DDX31: variants seen among roughly 807,000 people sequenced by gnomAD.
DDX31 encodes the protein ATP-dependent DNA helicase DDX31.
DDX31 carries 70 observed loss-of-function variants against 91.3 expected under a neutral mutation model. The ratio of observed to expected loss-of-function variants is 0.77; its 90% CI spans 0.63 to 0.94. The LOEUF (loss-of-function observed/expected upper bound fraction) is 0.94. Ranked by LOEUF, DDX31 falls within the 40% of genes least tolerant of loss-of-function variation. The pLI, the probability that DDX31 is intolerant of heterozygous loss-of-function variation, is 0.00. For missense variants in DDX31, 902 were observed against 925.0 expected (o/e 0.98, Z 0.32); for synonymous variants, 362 against 350.6 (o/e 1.03, Z -0.36).
chr9:132,603,558 GTTCT>G (rs1358399175), intron 19 of DDX31, among the ~76,000 whole-genome samples: 1 of 152,212 alleles, frequency 6.6e-6, no homozygotes, highest in Non-Finnish European at 1.5e-5. Context: ...GGACTGTCAT[GTTCT>G]TTCTTGATCT....
chr9:132,654,997 T>C (rs571076080), intron 6 of DDX31, among the ~76,000 whole-genome samples: 38 of 148,986 alleles, frequency 2.6e-4, no homozygotes, highest in Admixed American at 6.7e-4. Flanking sequence ...GCTGAGAGCA[T>C]TGGAGGGCAT....
At chr9:132,604,467 AC>A (rs1830898533) in intron 19 of DDX31, among the ~76,000 whole-genome samples, 1 of 152,168 alleles carries the variant, frequency 6.6e-6, no homozygotes, top group Non-Finnish European at 1.5e-5. Flanking sequence ...ATAAAAAACT[AC>A]TGATTAATCC....
chr9:132,617,360 G>A (rs1271503395), intron 18 of DDX31, among the ~76,000 whole-genome samples: 1 of 151,584 alleles, frequency 6.6e-6, no homozygotes, highest in Non-Finnish European at 1.5e-5. Flanking sequence ...CCTTTAAATG[G>A]ACTAATCTGT....
intron 18 of DDX31, among the ~76,000 whole-genome samples, chr9:132,617,475 G>A (rs181439568): frequency 8.5e-5 from 13 of 152,114 alleles, no homozygotes; most frequent in Admixed American, 2.6e-4. Context: ...CAAGCACTCA[G>A]AATAGTGCCC....
chr9:132,662,848 A>C (rs947242183), intron 1 of DDX31, among the ~76,000 whole-genome samples, 153 bp from the exon 2 acceptor site: 2 of 152,198 alleles, frequency 1.3e-5, no homozygotes, highest in African/African-American at 4.8e-5. Flanking sequence ...GTTTGCAATC[A>C]GACTCTTTGA....
chr9:132,655,540 A>G (rs1244441975), intron 6 of DDX31, among the ~76,000 whole-genome samples: 1 of 152,254 alleles, frequency 6.6e-6, no homozygotes, highest in Non-Finnish European at 1.5e-5. Flanking sequence ...AATAACCACC[A>G]TGGCATCTTG....
chr9:132,669,134 T>C (rs1047791870), intron 1 of DDX31, among the ~76,000 whole-genome samples: 2 of 152,160 alleles, frequency 1.3e-5, no homozygotes, highest in African/African-American at 4.8e-5. Context: ...GACAAGTGTT[T>C]CCTATTCAGA....
At position 132,592,997 on chromosome 9, in the gene DDX31, T is replaced by C. The variant is rs1293163542; in HGVS notation, c.*1869A>G. 9 of 152,212 alleles carry C rather than the reference T, an allele frequency of 5.9e-5. No homozygotes were observed. The highest frequency in any genetic ancestry group is 3.9e-4 in the Admixed American group (6 of 15,284). 9.4% of individuals were successfully genotyped at this position (152,212 alleles called of 1,614,324 possible). ...ATGTATAATCTGTCAAGAGCCATAA[T>C]AGAAGAGAAAGAGATTTATTTTAAG... is the stretch of plus-strand genomic sequence containing the variant. On this transcript the variant is annotated 3_prime_UTR_variant, in exon 20 of 20. Transcript: ENST00000372159.
chr9:132,596,228 G>T (rs1279562440), intron 19 of DDX31, among the ~76,000 whole-genome samples: 1 of 152,168 alleles, frequency 6.6e-6, no homozygotes, highest in African/African-American at 2.4e-5. Context: ...TAAAACCCAA[G>T]AATTAGAAAT....
In DDX31 at chr9:132,647,077, G is replaced by A. The variant is rs760585170; in HGVS notation, c.968-19C>T. Reference sequence around the variant, plus strand: ...GTTACACCTTGGATAAAAGTAAGAAGGGCAAAGCAGACAACAAACACACCA... The same window carrying A: ...GTTACACCTTGGATAAAAGTAAGAAAGGCAAAGCAGACAACAAACACACCA... On this transcript the variant is annotated intron_variant, in intron 11 of 19. Transcript: ENST00000372159. 1.3e-6 allele frequency: 2 copies of A among 1,593,134 alleles called. No individual in the cohort carries two copies. Among genetic ancestry groups the A allele is most frequent in the South Asian group, 2.2e-5 (2 of 89,940 alleles).
chr9:132,635,002 T>A (rs1049969603), intron 14 of DDX31, among the ~76,000 whole-genome samples: 1 of 151,980 alleles, frequency 6.6e-6, no homozygotes, highest in African/African-American at 2.4e-5. Flanking sequence ...AGTTTTTCGA[T>A]GTCTGTCATT....
rs1489136908 is a variant in DDX31, at chr9:132,634,584, TG to T, written c.1441-2494del. Among the ~76,000 whole-genome samples, 640 of 120,458 alleles carry T rather than the reference TG, an allele frequency of 5.3e-3. 7 individuals carry two copies. Among genetic ancestry groups the T allele is most frequent in the African/African-American group, 0.018 (550 of 31,114 alleles). 79.0% of individuals were successfully genotyped at this position (120,458 alleles called of 152,430 possible). On this transcript the variant is annotated intron_variant, in intron 14 of 19. Coordinates refer to ENST00000372159, the MANE Select transcript of DDX31 (RefSeq NM_022779.9). ...TCAAATTCTCCAACTGTACCTAAGA[TG>T]TTTTTTTTTTTTTTTTTTTTTTTTA...
intron 19 of DDX31, among the ~76,000 whole-genome samples, chr9:132,608,719 A>C (rs1831162630): frequency 6.6e-6 from 1 of 152,244 alleles, no homozygotes; most frequent in South Asian, 2.1e-4. Context: ...CATACAAAAC[A>C]TAAGGAACCC....
intron 1 of DDX31, among the ~76,000 whole-genome samples, chr9:132,666,366 ACAT>A (rs370870898): frequency 1.3e-5 from 2 of 152,142 alleles, no homozygotes; most frequent in East Asian, 3.8e-4. Context: ...AAAAAAGAAA[ACAT>A]CATGTGTAGT....
intron 14 of DDX31, chr9:132,637,952 C>A: frequency 2.0e-6 from 2 of 1,009,014 alleles, no homozygotes; most frequent in South Asian, 4.4e-5. Context: ...CCTCCTGGCA[C>A]GGTGGAAATT....
At chr9:132,662,115 T>C (rs1449820197) in intron 3 of DDX31, 146 bp downstream of exon 3, 3 of 770,540 alleles carry the variant, frequency 3.9e-6, no homozygotes, top group Non-Finnish European at 6.4e-6. Context: ...TAGAAGAGTA[T>C]CATATCAATC....
rs1832761833 is a variant in DDX31, at chr9:132,632,063, G to C, written c.1469C>G (p.Pro490Arg). The change falls in exon 15 of 20, where the codon CCT becomes CGT. Residue 490 changes from proline to arginine, a missense_variant. By Grantham distance (103) the Pro-to-Arg change is moderately radical. Coordinates refer to ENST00000372159, the MANE Select transcript of DDX31 (RefSeq NM_022779.9). ...TACCTGAACAATCCACGTGACTTGA[G>C]GGAGATCTAAGCCCCGAGCTGCAAC... is the stretch of plus-strand genomic sequence containing the variant. ...TDVAARGLDL[P>R]QVTWIVQYNA... 5.6e-6 allele frequency: 9 copies of C among 1,613,304 alleles called. No homozygotes were observed. The African/African-American group carries it at 8.0e-5, about 14-fold the overall frequency.
chr9:132,636,643 T>C (rs1306183500), intron 14 of DDX31, among the ~76,000 whole-genome samples: 1 of 152,194 alleles, frequency 6.6e-6, no homozygotes, highest in African/African-American at 2.4e-5. Context: ...CTGGGTGACC[T>C]AGCTCTGGAC....
At chr9:132,610,406 C>T (rs1311687319) in intron 19 of DDX31, among the ~76,000 whole-genome samples, 1 of 152,150 alleles carries the variant, frequency 6.6e-6, no homozygotes, top group Non-Finnish European at 1.5e-5. Context: ...ATTACTGGAG[C>T]ATTGTCCTAT....
Sources: gnomAD v4.1 joint callset for allele counts (sites outside exome capture counted in the v4.1 genomes callset) on GRCh38, gnomAD v4.1.1 for gene constraint, MANE v1.5 for transcripts, NCBI Gene and HGNC (gene_info 2026-07-23, HGNC 2026-07-21) for gene names.